The following SRD5A2 variants were observed in gnomAD, a reference collection of about 807,000 sequenced individuals.
SRD5A2 encodes the protein steroid 5 alpha-reductase 2.
Under a neutral mutation model 27.4 loss-of-function variants are expected in SRD5A2, and 30 were observed. That is an observed-to-expected ratio of 1.10 (90% CI 0.82 to 1.49). The LOEUF is 1.49. Ranked by LOEUF, SRD5A2 falls within the 40% of genes most tolerant of loss-of-function variation. The pLI is 0.00. For synonymous variants in SRD5A2, 141 were observed against 133.6 expected (o/e 1.06, Z -0.38); for missense variants, 348 against 323.4 (o/e 1.08, Z -0.58).
intron 1 of SRD5A2, among the ~76,000 whole-genome samples, chr2:31,560,233 T>A (rs928800470): frequency 6.6e-6 from 1 of 152,178 alleles, no homozygotes; most frequent in Non-Finnish European, 1.5e-5. Flanking sequence ...TCCATCTTGT[T>A]GCTACTGCTA....
chr2:31,629,105 G>A, the SRD5A2 span, among the ~76,000 whole-genome samples: 12 of 152,082 alleles, frequency 7.9e-5, no homozygotes, highest in East Asian at 1.9e-4. Context: ...CCCCAATGCC[G>A]GTCTAGAAAA....
chr2:31,606,375 G>A, the SRD5A2 span, among the ~76,000 whole-genome samples: 1 of 151,940 alleles, frequency 6.6e-6, no homozygotes, highest in African/African-American at 2.4e-5. Context: ...ATTATGCATT[G>A]CATGCCTATA....
At chr2:31,582,416 T>C (rs1310757943), upstream of SRD5A2, among the ~76,000 whole-genome samples, 1 of 151,832 alleles carries the variant, frequency 6.6e-6, no homozygotes, top group East Asian at 1.9e-4. Flanking sequence ...GTTTATCATA[T>C]TCCCATTGGG....
At chr2:31,600,087 G>A in the SRD5A2 span, among the ~76,000 whole-genome samples, 1 of 151,946 alleles carries the variant, frequency 6.6e-6, no homozygotes, top group Admixed American at 6.6e-5. Context: ...TACAGTATTT[G>A]GTTTTCTGTT....
the SRD5A2 span, among the ~76,000 whole-genome samples, chr2:31,636,536 G>A: frequency 6.6e-6 from 1 of 152,132 alleles, no homozygotes; most frequent in Admixed American, 6.5e-5. Flanking sequence ...CAGTGAAAGT[G>A]GACATCCTTG....
the SRD5A2 span, among the ~76,000 whole-genome samples, chr2:31,638,941 C>T: frequency 9.9e-5 from 15 of 151,962 alleles, no homozygotes; most frequent in Non-Finnish European, 1.6e-4. Context: ...TAAGGTCTTA[C>T]TACTGCCATT....
chr2:31,581,012 C>G (rs1667072740), upstream of SRD5A2: 2 of 1,208,834 alleles, frequency 1.7e-6, no homozygotes, highest in African/African-American at 3.1e-5. Flanking sequence ...GGCCTTGGCT[C>G]CCGCCCCTCC....
chr2:31,572,548 A>T (rs1429431648), intron 1 of SRD5A2, among the ~76,000 whole-genome samples: 1 of 152,254 alleles, frequency 6.6e-6, no homozygotes, highest in Non-Finnish European at 1.5e-5. Flanking sequence ...CTGGCAAAAT[A>T]CTTCTATCCA....
At chr2:31,657,402 G>C in the SRD5A2 span, among the ~76,000 whole-genome samples, 1 of 152,104 alleles carries the variant, frequency 6.6e-6, no homozygotes, top group Admixed American at 6.6e-5. Context: ...CTCTTTGTTT[G>C]TTTTATTTTG....
chr2:31,554,624 C>G (rs562134797), intron 1 of SRD5A2, among the ~76,000 whole-genome samples: 5 of 152,318 alleles, frequency 3.3e-5, no homozygotes, highest in African/African-American at 1.2e-4. Context: ...AATGATCACA[C>G]AAGGTGACTT....
chr2:31,626,786 A>G, the SRD5A2 span, among the ~76,000 whole-genome samples: 1 of 152,156 alleles, frequency 6.6e-6, no homozygotes, highest in Admixed American at 6.6e-5. Context: ...TTTTGCGTCA[A>G]TGTTCATCAG....
At chr2:31,588,396 A>C in the SRD5A2 span, among the ~76,000 whole-genome samples, 26 of 152,340 alleles carry the variant, frequency 1.7e-4, 1 homozygote, top group Admixed American at 1.6e-3. Context: ...AATAACGTAC[A>C]ATGGGGCTCC....
At chr2:31,612,267 C>A in the SRD5A2 span, among the ~76,000 whole-genome samples, 1 of 147,678 alleles carries the variant, frequency 6.8e-6, no homozygotes, top group Non-Finnish European at 1.5e-5. Context: ...GGTGACAGAG[C>A]AAGACTGCGT....
chr2:31,584,622 C>T (rs780414379), upstream of SRD5A2, among the ~76,000 whole-genome samples: 4 of 152,114 alleles, frequency 2.6e-5, no homozygotes, highest in Non-Finnish European at 4.4e-5. Flanking sequence ...CTTGATAATT[C>T]ACTAAAAAAA....
At position 31,564,370 on chromosome 2, in the gene SRD5A2, GA is replaced by G. The variant is rs993805136; in HGVS notation, c.281+16249del. On this transcript the variant is annotated intron_variant, in intron 1 of 4. Transcript: ENST00000622030. ...AGAAATTACCCAAAAGAAGCACACA[GA>G]AAAAAAAAAGAATCCACAAAAATGA... is the stretch of plus-strand genomic sequence containing the variant. Among the ~76,000 whole-genome samples the G allele has an allele frequency of 2.8e-3, 405 of 146,522 alleles. 4 individuals are homozygous for G. Among genetic ancestry groups the G allele is most frequent in the African/African-American group, 9.5e-3 (380 of 40,086 alleles).
chr2:31,522,931 G>A lies in SRD5A2; in HGVS notation c.*3265C>T, dbSNP rs1470773780. The stretch of plus-strand genomic sequence containing the variant: ...TGCTTCTTAGTGAGATTGCCATGAG[G>A]TAACCACAAAAATCCAAGAGAGCTA... On this transcript the variant is annotated 3_prime_UTR_variant, in exon 5 of 5. Coordinates refer to ENST00000622030, the MANE Select transcript of SRD5A2 (RefSeq NM_000348.4). 2.7e-5 allele frequency: 6 copies of A among 221,940 alleles called. No individual in the cohort carries two copies. Among genetic ancestry groups the A allele is most frequent in the Non-Finnish European group, 5.4e-5 (6 of 111,224 alleles). 13.7% of individuals were successfully genotyped at this position (221,940 alleles called of 1,614,324 possible). A position where few individuals can be genotyped will look rare whatever the true frequency, so the allele number is the denominator to read the frequency against.
the SRD5A2 span, among the ~76,000 whole-genome samples, chr2:31,644,455 G>T: frequency 6.6e-6 from 1 of 152,216 alleles, no homozygotes; most frequent in East Asian, 1.9e-4. Context: ...TTTTTTGGGA[G>T]TGGCTGGTGG....
chr2:31,652,093 G>A, the SRD5A2 span, among the ~76,000 whole-genome samples: 4 of 152,158 alleles, frequency 2.6e-5, no homozygotes, highest in Admixed American at 6.5e-5. Context: ...CAGTAGCTGG[G>A]ACTATAGGCC....
the SRD5A2 span, among the ~76,000 whole-genome samples, chr2:31,659,152 G>A: frequency 2.0e-5 from 3 of 151,980 alleles, no homozygotes; most frequent in Non-Finnish European, 4.4e-5. Flanking sequence ...TGAAAACACT[G>A]AACAAACTAG....
Sources: allele counts gnomAD v4.1 joint callset (sites outside exome capture counted in the v4.1 genomes callset), GRCh38; gene constraint gnomAD v4.1.1; transcripts MANE v1.5; gene names NCBI Gene and HGNC (gene_info 2026-07-23, HGNC 2026-07-21).